PARVB: variants seen among roughly 807,000 people sequenced by gnomAD.
PARVB encodes the protein beta-parvin.
Under a neutral mutation model 47.0 loss-of-function variants are expected in PARVB, and 46 were observed. The observed-to-expected ratio is 0.98, with a 90% confidence interval of 0.77 to 1.25. PARVB has a LOEUF of 1.25. Ranked by LOEUF, PARVB falls within the 50% of genes most tolerant of loss-of-function variation. PARVB has a pLI of 0.00. For synonymous variants in PARVB, 196 were observed against 196.3 expected (o/e 1.00, Z 0.01); for missense variants, 473 against 471.6 (o/e 1.00, Z -0.03).
chr22:44,062,285 C>T (rs1474827435), intron 1 of PARVB, among the ~76,000 whole-genome samples: 1 of 152,142 alleles, frequency 6.6e-6, no homozygotes, highest in East Asian at 1.9e-4. Context: ...CGAGACTGCA[C>T]CCCAAATCAG....
intron 8 of PARVB, chr22:44,147,422 G>T (rs1336842353): frequency 5.9e-6 from 2 of 340,676 alleles, no homozygotes; most frequent in Admixed American, 3.8e-5. Context: ...CCAGGCGAGG[G>T]GCAGTGAGGC....
intron 1 of PARVB, among the ~76,000 whole-genome samples, chr22:44,060,006 C>A (rs570308892): frequency 3.9e-5 from 6 of 152,030 alleles, no homozygotes; most frequent in Admixed American, 3.9e-4. Flanking sequence ...TGTAAGGTGG[C>A]CTTTTGTATT....
intron 10 of PARVB, among the ~76,000 whole-genome samples, chr22:44,154,582 G>A (rs942442377): frequency 2.0e-5 from 3 of 150,768 alleles, no homozygotes; most frequent in Admixed American, 6.6e-5. Context: ...GTGTGTGTGT[G>A]TGTGGTTTAT....
intron 1 of PARVB, among the ~76,000 whole-genome samples, chr22:44,072,370 T>C (rs2051674532): frequency 6.6e-6 from 1 of 152,048 alleles, no homozygotes; most frequent in African/African-American, 2.4e-5. Flanking sequence ...GGGCATCAGA[T>C]AGGACAAGGG....
intron 1 of PARVB, among the ~76,000 whole-genome samples, chr22:44,028,842 TG>T (rs1473763035): frequency 2.0e-5 from 3 of 152,216 alleles, no homozygotes; most frequent in Non-Finnish European, 4.4e-5. Flanking sequence ...AGGTGTATTG[TG>T]GTGTCTTGTT....
chr22:44,121,552 CT>C (rs768902198), intron 4 of PARVB, among the ~76,000 whole-genome samples: 4,202 of 95,206 alleles, frequency 0.044, 184 homozygotes, highest in African/African-American at 0.13. Context: ...CTCCTGTGTC[CT>C]TTTTTAAAAA....
chr22:44,034,330 A>G (rs538720519), intron 1 of PARVB, among the ~76,000 whole-genome samples: 96 of 150,254 alleles, frequency 6.4e-4, no homozygotes, highest in African/African-American at 2.3e-3. Context: ...TTATACATAT[A>G]TATGTTTGAG....
At chr22:44,087,516 CA>C (rs1432688047) in intron 1 of PARVB, among the ~76,000 whole-genome samples, 1 of 152,132 alleles carries the variant, frequency 6.6e-6, no homozygotes, top group Non-Finnish European at 1.5e-5. Flanking sequence ...GCTAGTGGAG[CA>C]AGAAGCTGAT....
intron 1 of PARVB, among the ~76,000 whole-genome samples, chr22:44,072,388 C>T (rs917841541): frequency 2.0e-5 from 3 of 149,932 alleles, no homozygotes; most frequent in African/African-American, 7.2e-5. Flanking sequence ...GGGAAGGGGA[C>T]TGGAGAAGGA....
chr22:44,158,713 C>A (rs71330734), intron 11 of PARVB, among the ~76,000 whole-genome samples: 2 of 152,266 alleles, frequency 1.3e-5, no homozygotes, highest in Non-Finnish European at 2.9e-5. Flanking sequence ...GGGCCTCTCC[C>A]TGCTGTCTGC....
At chr22:44,063,091 G>A (rs769151033) in intron 1 of PARVB, among the ~76,000 whole-genome samples, 2 of 152,058 alleles carry the variant, frequency 1.3e-5, no homozygotes, top group Non-Finnish European at 2.9e-5. Context: ...CAAGGGATTA[G>A]GAACTTTGTG....
chr22:44,036,654 T>C (rs144589368), intron 1 of PARVB, among the ~76,000 whole-genome samples: 73 of 152,246 alleles, frequency 4.8e-4, no homozygotes, highest in Middle Eastern at 3.4e-3. Context: ...AAAATCTAAA[T>C]GAGTTTATAC....
In PARVB at chr22:44,151,467, CTT is replaced by C. The variant is rs1173400027; in HGVS notation, c.775-13_775-12del. ...CGGGCCATTCATGGCTCCTGTGTCT[CTT>C]TTATTCTTGGCAGTCTCTCATCACT... On this transcript the variant is annotated splice_polypyrimidine_tract_variant and intron_variant, in intron 9 of 12. Transcript: ENST00000338758. 6.8e-6 allele frequency: 11 copies of C among 1,611,032 alleles called. No homozygotes were observed. The highest frequency in any genetic ancestry group is 9.3e-6 in the Non-Finnish European group (11 of 1,177,146).
intron 1 of PARVB, among the ~76,000 whole-genome samples, chr22:44,090,710 CAT>C (rs372124823): frequency 6.6e-5 from 10 of 152,334 alleles, no homozygotes; most frequent in South Asian, 2.1e-4. Flanking sequence ...ATCCTCCACA[CAT>C]AGGGAAACTG....
intron 2 of PARVB, among the ~76,000 whole-genome samples, chr22:44,012,758 C>G (rs1034393711): frequency 6.6e-6 from 1 of 152,074 alleles, no homozygotes; most frequent in African/African-American, 2.4e-5. Context: ...TTAAGTATTC[C>G]CTGGAATGAG....
intron 1 of PARVB, among the ~76,000 whole-genome samples, chr22:44,062,143 G>T (rs748129257): frequency 2.0e-5 from 3 of 152,118 alleles, no homozygotes; most frequent in Non-Finnish European, 2.9e-5. Flanking sequence ...GACACCAGAG[G>T]TGCAGGGATG....
chr22:44,086,632 G>A, intron 1 of PARVB: 1 of 448,826 alleles, frequency 2.2e-6, no homozygotes, highest in Non-Finnish European at 2.9e-6. Context: ...TGCCGAGGCT[G>A]ATGATGTTTT....
intron 3 of PARVB, among the ~76,000 whole-genome samples, chr22:44,100,476 G>C (rs997679700): frequency 1.3e-5 from 2 of 152,202 alleles, no homozygotes; most frequent in Middle Eastern, 3.4e-3. Flanking sequence ...AGCCTGGTGG[G>C]GTCTAGATTC....
At chr22:44,133,103 C>T (rs2053366523) in intron 6 of PARVB, 94 bp downstream of exon 6, 2 of 717,724 alleles carry the variant, frequency 2.8e-6, no homozygotes, top group Non-Finnish European at 4.6e-6. Context: ...TCCTTTTTTC[C>T]CCCCAGGAGG....
Sources: allele counts gnomAD v4.1 joint callset (sites outside exome capture counted in the v4.1 genomes callset), GRCh38; gene constraint gnomAD v4.1.1; transcripts MANE v1.5; gene names NCBI Gene and HGNC (gene_info 2026-07-23, HGNC 2026-07-21).